GOSR2: variants seen among roughly 807,000 people sequenced by gnomAD.
The protein encoded by GOSR2 is golgi SNAP receptor complex member 2.
A neutral mutation model predicts 27.9 loss-of-function variants in GOSR2; 20 were observed. That is an observed-to-expected ratio of 0.72 (90% CI 0.50 to 1.04). The LOEUF (loss-of-function observed/expected upper bound fraction) is 1.04, where lower values mean the gene tolerates loss of function less well. Ranked by LOEUF, GOSR2 falls within the 50% of genes least tolerant of loss-of-function variation. The pLI, the probability that GOSR2 is intolerant of heterozygous loss-of-function variation, is 0.00. For missense variants in GOSR2, 261 were observed against 270.5 expected, an observed-to-expected ratio of 0.97 and a Z score of 0.25; for synonymous variants, 91 against 98.8, an observed-to-expected ratio of 0.92 and a Z score of 0.47.
intron 6 of GOSR2, among the ~76,000 whole-genome samples, chr17:46,951,895 C>A (rs951439013): frequency 2.6e-5 from 4 of 152,150 alleles, no homozygotes; most frequent in East Asian, 1.9e-4. Context: ...GCTTCTCCCC[C>A]CCAGACATCA....
intron 1 of GOSR2, chr17:46,923,796 ATAACT>A (rs2086072062): frequency 2.5e-6 from 1 of 405,124 alleles, no homozygotes; most frequent in Admixed American, 4.4e-5. Flanking sequence ...TTAGTTTCTC[ATAACT>A]TAAATTCCTT....
At chr17:46,929,909 C>G (rs1378766971) in intron 2 of GOSR2, 1 of 262,332 alleles carries the variant, frequency 3.8e-6, no homozygotes, top group Non-Finnish European at 7.4e-6. Flanking sequence ...AGATGTTTAA[C>G]TGGAATTGGC....
intron 1 of GOSR2, among the ~76,000 whole-genome samples, chr17:46,928,239 C>T (rs547823422): frequency 3.9e-5 from 6 of 152,188 alleles, no homozygotes; most frequent in Middle Eastern, 3.4e-3. Context: ...TTTTGGTGCC[C>T]GAGGGCATAT....
At chr17:46,958,290 A>C (rs1208953713) in intron 6 of GOSR2, among the ~76,000 whole-genome samples, 1 of 152,224 alleles carries the variant, frequency 6.6e-6, no homozygotes, top group Non-Finnish European at 1.5e-5. Flanking sequence ...ATAAGGAGAA[A>C]TATGGGACAC....
In GOSR2 at chr17:46,939,126, C is replaced by A; in HGVS notation, c.*366C>A. The A allele has an allele frequency of 8.7e-7, 1 of 1,148,948 alleles. No homozygotes were observed. Among genetic ancestry groups the A allele is most frequent in the African/African-American group, 1.6e-5 (1 of 62,540 alleles). 71.2% of individuals were successfully genotyped at this position (1,148,948 alleles called of 1,614,324 possible). A position where few individuals can be genotyped will look rare whatever the true frequency, so the allele number is the denominator to read the frequency against. ...TGTGTGCAGGACTGTCCACACGGTTCACACCTTGTCACCATCAGGCCTTTC... is the reference window on the plus strand; with the variant it reads ...TGTGTGCAGGACTGTCCACACGGTTAACACCTTGTCACCATCAGGCCTTTC... On this transcript the variant is annotated 3_prime_UTR_variant, in exon 6 of 6. Transcript: ENST00000640051.
intron 6 of GOSR2, among the ~76,000 whole-genome samples, chr17:46,952,314 A>G (rs1029321375): frequency 1.3e-5 from 2 of 152,232 alleles, no homozygotes; most frequent in Non-Finnish European, 2.9e-5. Context: ...CAGCAGCCCA[A>G]AGCAGTCGGT....
At position 46,959,276 on chromosome 17, in the gene GOSR2, T is replaced by C. The variant is rs141619401; in HGVS notation, c.584-7258T>C. Among the ~76,000 whole-genome samples the C allele has an allele frequency of 2.6e-4, 40 of 152,308 alleles. No individual in the cohort carries two copies. In the East Asian group the frequency reaches 7.7e-3, roughly 29 times the overall value. On this transcript the variant is annotated intron_variant, in intron 6 of 6. Coordinates refer to the GOSR2 transcript ENST00000573224. ...TGTAACCTCCAATTTACAAACATTT[T>C]TAATCACACACCAAAAAGGAAAAGC...
At chr17:46,944,678 C>A (rs2089682896), downstream of GOSR2, among the ~76,000 whole-genome samples, 1 of 151,892 alleles carries the variant, frequency 6.6e-6, no homozygotes, top group South Asian at 2.1e-4. Flanking sequence ...CGGCTCACTG[C>A]AGCCTCTGCC....
chr17:46,931,525 T>C, intron 3 of GOSR2: 1 of 415,102 alleles, frequency 2.4e-6, no homozygotes, highest in Non-Finnish European at 4.3e-6. Flanking sequence ...AGTTTTGTTC[T>C]GCTCTTTGGT....
At chr17:46,973,659 T>C (rs1176476955) in intron 6 of GOSR2, among the ~76,000 whole-genome samples, 1 of 152,216 alleles carries the variant, frequency 6.6e-6, no homozygotes, top group Admixed American at 6.5e-5. Context: ...CTGCCCCGTC[T>C]GCCGAGCTGG....
rs2088848739 is a variant in GOSR2 at position 46,938,829 on chromosome 17, G to A, written c.*69G>A. 1.9e-6 allele frequency: 3 copies of A among 1,609,478 alleles called. No homozygotes were observed. The highest frequency in any genetic ancestry group is 2.5e-6 in the Non-Finnish European group (3 of 1,179,154). On this transcript the variant is annotated 3_prime_UTR_variant, in exon 6 of 6. Transcript: ENST00000640051. ...AGTGTGTGTGTGTGTGAAAGAGAGAGGGGGGCCCAGAGGCCGCCTTTTGAA... is the reference window on the plus strand; with the variant it reads ...AGTGTGTGTGTGTGTGAAAGAGAGAAGGGGGCCCAGAGGCCGCCTTTTGAA...
chr17:46,929,642 C>A (rs377233925), intron 2 of GOSR2, 58 bp downstream of exon 2: 8 of 860,870 alleles, frequency 9.3e-6, no homozygotes, highest in Non-Finnish European at 1.6e-5. Flanking sequence ...TGCTAATGGG[C>A]TGGGCTTCCT....
chr17:46,944,537 C>T (rs1376750483), downstream of GOSR2, among the ~76,000 whole-genome samples: 3 of 152,186 alleles, frequency 2.0e-5, no homozygotes, highest in Admixed American at 1.3e-4. Flanking sequence ...AGTCCCGATT[C>T]TGGGCCTCGC....
At position 46,938,912 on chromosome 17, in the gene GOSR2, C is replaced by T; in HGVS notation, c.*152C>T. The T allele has an allele frequency of 1.3e-6, 2 of 1,523,744 alleles. No individual in the cohort carries two copies. Among genetic ancestry groups the T allele is most frequent in the African/African-American group, 1.4e-5 (1 of 72,918 alleles). The allele number at this position is 1,523,744 out of a possible 1,614,324, so 94.4% of individuals were successfully genotyped here. A position where few individuals can be genotyped will look rare whatever the true frequency, so the allele number is the denominator to read the frequency against. The stretch of plus-strand genomic sequence containing the variant: ...GGAGTGATTGTGGTCTAATTTCCAA[C>T]CTGCTCTGTTTTCTGTGACATCTTG... On this transcript the variant is annotated 3_prime_UTR_variant, in exon 6 of 6. Coordinates refer to ENST00000640051, the MANE Select transcript of GOSR2 (RefSeq NM_004287.5).
intron 5 of GOSR2, chr17:46,936,463 C>T: frequency 1.0e-6 from 1 of 985,444 alleles, no homozygotes; most frequent in Non-Finnish European, 1.2e-6. Flanking sequence ...AGGTTTCTAA[C>T]TTTCCTCTGC....
At chr17:46,967,026 CTG>C (rs1568218577), downstream of GOSR2, 1 of 210,166 alleles carries the variant, frequency 4.8e-6, no homozygotes, top group Non-Finnish European at 9.4e-6. Flanking sequence ...GAAAGCAGGG[CTG>C]TGTGTCCAAC....
At chr17:46,929,772 A>G (rs1236461736) in intron 2 of GOSR2, 188 bp downstream of exon 2, 2 of 587,314 alleles carry the variant, frequency 3.4e-6, no homozygotes, top group Middle Eastern at 4.6e-4. Flanking sequence ...TTGGAATCCC[A>G]CAAGTCTTAT....
intron 6 of GOSR2, among the ~76,000 whole-genome samples, chr17:46,966,210 G>T (rs2091313437): frequency 6.6e-6 from 1 of 152,172 alleles, no homozygotes. Context: ...CTCAAATAAT[G>T]AGACAGAAAA....
At chr17:46,962,476 G>A (rs1416445913) in intron 6 of GOSR2, among the ~76,000 whole-genome samples, 1 of 152,208 alleles carries the variant, frequency 6.6e-6, no homozygotes, top group African/African-American at 2.4e-5. Flanking sequence ...TAAACAGGAT[G>A]TGGCAGAAGA....
Sources: gnomAD v4.1 joint callset for allele counts (sites outside exome capture counted in the v4.1 genomes callset) on GRCh38, gnomAD v4.1.1 for gene constraint, MANE v1.5 for transcripts, NCBI Gene and HGNC (gene_info 2026-07-23, HGNC 2026-07-21) for gene names.